Variants in ZBTB20 observed in about 807,000 individuals in gnomAD.
The protein encoded by ZBTB20 is zinc finger and BTB domain containing 20, also known as zinc finger and BTB domain-containing protein 20.
ZBTB20 carries 9 observed loss-of-function variants against 56.9 expected under a neutral mutation model. The observed-to-expected ratio is 0.16, with a 90% confidence interval of 0.10 to 0.28. The LOEUF (loss-of-function observed/expected upper bound fraction) is 0.28. Among genes scored for constraint, ZBTB20 ranks in the 10% least tolerant of loss-of-function variants. ZBTB20 has a pLI of 1.00. For synonymous variants in ZBTB20, 417 were observed against 420.7 expected (o/e 0.99, Z 0.11); for missense variants, 655 against 1,003.0 (o/e 0.65, Z 4.69).
At chr3:114,865,687 T>C (rs1292893814) in intron 4 of ZBTB20, among the ~76,000 whole-genome samples, 1 of 152,222 alleles carries the variant, frequency 6.6e-6, no homozygotes, top group Non-Finnish European at 1.5e-5. Flanking sequence ...AGCATATTTT[T>C]AGTGCTTCAC....
chr3:114,566,002 TTC>T (rs2052686112), intron 6 of ZBTB20, among the ~76,000 whole-genome samples: 1 of 146,158 alleles, frequency 6.8e-6, no homozygotes, highest in Non-Finnish European at 1.5e-5. Flanking sequence ...CATACATTTT[TTC>T]TTTTTTTTTC....
At chr3:114,366,531 A>G (rs1464793937) in intron 10 of ZBTB20, among the ~76,000 whole-genome samples, 2 of 152,212 alleles carry the variant, frequency 1.3e-5, no homozygotes, top group African/African-American at 2.4e-5. Flanking sequence ...AATACTGCAT[A>G]TGAGATGCAG....
intron 5 of ZBTB20, among the ~76,000 whole-genome samples, chr3:114,768,670 T>A (rs1012786324): frequency 1.2e-4 from 19 of 152,212 alleles, no homozygotes; most frequent in Non-Finnish European, 2.2e-4. Context: ...ATGTTTCGCA[T>A]AGTAATTCAT....
intron 2 of ZBTB20, among the ~76,000 whole-genome samples, chr3:115,040,124 A>T (rs919959463): frequency 1.3e-5 from 2 of 152,104 alleles, no homozygotes; most frequent in Non-Finnish European, 2.9e-5. Context: ...ACAAAGTTAC[A>T]TATATAATTT....
intron 6 of ZBTB20, among the ~76,000 whole-genome samples, chr3:114,579,809 G>A (rs2054462156): frequency 6.6e-6 from 1 of 151,434 alleles, no homozygotes; most frequent in African/African-American, 2.4e-5. Context: ...AGTATAAACT[G>A]TGAACTGTAT....
intron 11 of ZBTB20, among the ~76,000 whole-genome samples, chr3:114,340,604 T>C (rs1161233186): frequency 6.6e-6 from 1 of 152,166 alleles, no homozygotes; most frequent in Non-Finnish European, 1.5e-5. Context: ...TTTAAGATGA[T>C]TACTTAAAGA....
intron 6 of ZBTB20, among the ~76,000 whole-genome samples, chr3:114,539,830 C>T (rs938939756): frequency 6.6e-6 from 1 of 151,944 alleles, no homozygotes; most frequent in Non-Finnish European, 1.5e-5. Context: ...TAAGATCACA[C>T]CACATTTTTG....
At chr3:114,693,306 T>C (rs1182041354) in intron 6 of ZBTB20, among the ~76,000 whole-genome samples, 1 of 152,174 alleles carries the variant, frequency 6.6e-6, no homozygotes, top group South Asian at 2.1e-4. Flanking sequence ...TTTCTTATTC[T>C]TCTAAATGCT....
At position 114,323,456 on chromosome 3, in the gene ZBTB20, G is replaced by A. The variant is rs904982995; in HGVS notation, c.*15549C>T. 2.6e-5 allele frequency: 4 copies of A among 152,190 alleles called. No individual in the cohort carries two copies. Among genetic ancestry groups the A allele is most frequent in the African/African-American group, 9.7e-5 (4 of 41,434 alleles). The allele number at this position is 152,190 out of a possible 1,614,324, so 9.4% of individuals were successfully genotyped here. A position where few individuals can be genotyped will look rare whatever the true frequency, so the allele number is the denominator to read the frequency against. On this transcript the variant is annotated 3_prime_UTR_variant, in exon 12 of 12. Transcript: ENST00000675478. The stretch of plus-strand genomic sequence containing the variant: ...TTAGCCTGATCTAGGTTTCACCCAG[G>A]GATGGAGAAGCATAATCAGGCTGAA...
intron 1 of ZBTB20, among the ~76,000 whole-genome samples, chr3:115,137,144 A>G (rs919019005): frequency 2.0e-4 from 30 of 152,108 alleles, no homozygotes; most frequent in African/African-American, 3.9e-4. Flanking sequence ...ATAAGAGAAT[A>G]AAGAAAATAT....
chr3:114,860,181 A>G (rs947144208), intron 4 of ZBTB20, among the ~76,000 whole-genome samples: 4 of 151,860 alleles, frequency 2.6e-5, no homozygotes, highest in African/African-American at 9.7e-5. Flanking sequence ...TTGGCGTGTG[A>G]CTGTAGTCCC....
chr3:114,653,196 T>C (rs2060220387), intron 6 of ZBTB20, among the ~76,000 whole-genome samples: 1 of 151,986 alleles, frequency 6.6e-6, no homozygotes, highest in Non-Finnish European at 1.5e-5. Context: ...TAAGAATATA[T>C]ATCTTTGCCT....
At chr3:114,410,296 A>C (rs1374468017) in intron 7 of ZBTB20, among the ~76,000 whole-genome samples, 1 of 151,900 alleles carries the variant, frequency 6.6e-6, no homozygotes. Context: ...CATTTACTTA[A>C]TTTGAAATTC....
intron 3 of ZBTB20, among the ~76,000 whole-genome samples, chr3:114,905,113 T>A (rs575117834): frequency 6.6e-6 from 1 of 151,944 alleles, no homozygotes; most frequent in Non-Finnish European, 1.5e-5. Context: ...AATTGTCCTA[T>A]AATCCACACT....
chr3:114,448,861 A>T (rs1405217867), intron 7 of ZBTB20, among the ~76,000 whole-genome samples: 1 of 152,180 alleles, frequency 6.6e-6, no homozygotes, highest in Non-Finnish European at 1.5e-5. Context: ...CAAAAGTTTT[A>T]CAGTAATGCT....
intron 2 of ZBTB20, among the ~76,000 whole-genome samples, chr3:114,995,171 G>A (rs1377628700): frequency 6.6e-6 from 1 of 151,842 alleles, no homozygotes; most frequent in African/African-American, 2.4e-5. Flanking sequence ...AGGGACAAAA[G>A]GTGGAACTGT....
rs750472140 is a variant in ZBTB20 at position 114,510,870 on chromosome 3, C to T, written c.-294-10479G>A. Among the ~76,000 whole-genome samples, 8 of 152,104 alleles carry T rather than the reference C, an allele frequency of 5.3e-5. No individual in the cohort carries two copies. The East Asian group carries it at 9.7e-4, about 18-fold the overall frequency. On this transcript the variant is annotated intron_variant, in intron 6 of 11. Transcript: ENST00000675478. ...AAGACCGAGAGCTCCTTCCCTATCC[C>T]GAATAGCTTCAAGAGAAGGGCCTTT...
chr3:114,773,074 A>C (rs2069334211), intron 5 of ZBTB20, among the ~76,000 whole-genome samples: 1 of 152,188 alleles, frequency 6.6e-6, no homozygotes, highest in Admixed American at 6.5e-5. Context: ...GGATCTAAAG[A>C]TGGTTCCCAG....
intron 7 of ZBTB20, among the ~76,000 whole-genome samples, chr3:114,406,068 T>C (rs1251189988): frequency 6.6e-6 from 1 of 151,874 alleles, no homozygotes; most frequent in Non-Finnish European, 1.5e-5. Context: ...TTTTTTAAAA[T>C]TGTCTTAACA....
Sources: allele counts gnomAD v4.1 joint callset (sites outside exome capture counted in the v4.1 genomes callset), GRCh38; gene constraint gnomAD v4.1.1; transcripts MANE v1.5; gene names NCBI Gene and HGNC (gene_info 2026-07-23, HGNC 2026-07-21).